SLC35D2: variants seen among roughly 807,000 people sequenced by gnomAD.
The protein encoded by SLC35D2 is nucleotide sugar transporter SLC35D2.
SLC35D2 carries 43 observed loss-of-function variants against 41.8 expected under a neutral mutation model. That is an observed-to-expected ratio of 1.03 (90% confidence interval 0.81 to 1.33). SLC35D2 has a LOEUF of 1.33. Ranked by LOEUF, SLC35D2 falls within the 40% of genes most tolerant of loss-of-function variation. The pLI is 0.00. For missense variants in SLC35D2, 380 were observed against 408.4 expected, an observed-to-expected ratio of 0.93 and a Z score of 0.60; for synonymous variants, 150 against 163.9, an observed-to-expected ratio of 0.92 and a Z score of 0.65.
chr9:96,353,344 ATTAT>A lies in SLC35D2; in HGVS notation c.348-1239_348-1236del, dbSNP rs71308273. Reference sequence around the variant, plus strand: ...TGTATACAGAAAAGGGCTGCAAAGGATTATTTATTTATTTATTTATTTATTTAGA... The same window carrying A: ...TGTATACAGAAAAGGGCTGCAAAGGATTATTTATTTATTTATTTATTTAGA... On this transcript the variant is annotated intron_variant, in intron 4 of 11. Transcript: ENST00000253270. Among the ~76,000 whole-genome samples the A allele has an allele frequency of 1.0e-3, 149 of 149,652 alleles. 1 individual carries two copies. Among genetic ancestry groups the A allele is most frequent in the South Asian group, 3.0e-3 (14 of 4,698 alleles).
Position 96,360,229 on chromosome 9 carries a change from T to TAAA in SLC35D2, c.280-11_280-9dup. On this transcript the variant is annotated splice_polypyrimidine_tract_variant and intron_variant, in intron 3 of 11. Transcript: ENST00000253270. ...GAGAGGCAGAGGAAACAGCTTCCAT[T>TAAA]AAAAAAAAAAGAAGAAATATTTGGT... 3.0e-6 allele frequency: 4 copies of TAAA among 1,318,174 alleles called. No homozygotes were observed. The highest frequency in any genetic ancestry group is 4.1e-6 in the Non-Finnish European group (4 of 966,186). 81.7% of individuals were successfully genotyped at this position (1,318,174 alleles called of 1,614,324 possible). A position where few individuals can be genotyped will look rare whatever the true frequency, so the allele number is the denominator to read the frequency against.
At chr9:96,364,364 A>G in intron 3 of SLC35D2, 100 bp downstream of exon 3, 1 of 753,594 alleles carries the variant, frequency 1.3e-6, no homozygotes, top group Non-Finnish European at 2.3e-6. Context: ...TATCCAGTGC[A>G]GGCAGGAAGT....
In SLC35D2 at chr9:96,321,316, A is replaced by G. The variant is rs1454481583; in HGVS notation, c.940T>C (p.Phe314Leu). Residue 314 changes from phenylalanine (F) to leucine (L), a missense_variant, in exon 12 of 12, where the codon TTT (phenylalanine) becomes CTT (leucine). By Grantham distance (22) the Phe-to-Leu change is conservative. Coordinates refer to ENST00000253270, the MANE Select transcript of SLC35D2 (RefSeq NM_007001.3). ...TTTAACTGGCTGCTCAGTGTTAAAA[A>G]GGAATATCTCAAGCCCCCTGCCATG... ...ICMAGGLRYS[F>L]LTLSSQLKPK... 2 of 1,613,974 alleles carry G rather than the reference A, an allele frequency of 1.2e-6. No individual in the cohort carries two copies. Among genetic ancestry groups the G allele is most frequent in the East Asian group, 2.2e-5 (1 of 44,878 alleles).
chr9:96,337,981 CAAAAAA>C (rs67714645), intron 8 of SLC35D2, among the ~76,000 whole-genome samples: 2 of 33,906 alleles, frequency 5.9e-5, no homozygotes, highest in Non-Finnish European at 1.0e-4. Flanking sequence ...AACTCCACCT[CAAAAAA>C]AAAAAAAAAA....
At chr9:96,359,282 T>C (rs1344334304) in intron 4 of SLC35D2, among the ~76,000 whole-genome samples, 1 of 145,944 alleles carries the variant, frequency 6.9e-6, no homozygotes, top group Non-Finnish European at 1.5e-5. Context: ...CACTCTAGCC[T>C]GGGCGACAGA....
intron 1 of SLC35D2, among the ~76,000 whole-genome samples, chr9:96,381,741 TCTC>T (rs766943104): frequency 6.6e-6 from 1 of 152,118 alleles, no homozygotes; most frequent in South Asian, 2.1e-4. Context: ...AAAACACTGT[TCTC>T]CTCGAACAGT....
At chr9:96,373,385 T>A (rs895499103) in intron 1 of SLC35D2, among the ~76,000 whole-genome samples, 1 of 152,132 alleles carries the variant, frequency 6.6e-6, no homozygotes, top group Non-Finnish European at 1.5e-5. Flanking sequence ...GTCCTTTTTT[T>A]CTTTAAAAAC....
intron 1 of SLC35D2, among the ~76,000 whole-genome samples, chr9:96,369,045 G>A (rs1356158831): frequency 3.3e-5 from 5 of 152,126 alleles, no homozygotes; most frequent in East Asian, 1.9e-4. Context: ...GATTATAGGC[G>A]GGAGCCACTG....
chr9:96,367,340 G>T (rs2131000028), intron 2 of SLC35D2, among the ~76,000 whole-genome samples: 1 of 151,284 alleles, frequency 6.6e-6, no homozygotes, highest in Non-Finnish European at 1.5e-5. Flanking sequence ...TTCCCTCTAT[G>T]AATTAAATCA....
intron 1 of SLC35D2, among the ~76,000 whole-genome samples, chr9:96,370,870 T>C (rs1232951860): frequency 6.6e-6 from 1 of 151,876 alleles, no homozygotes; most frequent in Non-Finnish European, 1.5e-5. Flanking sequence ...CAAAGGAGAT[T>C]AAAAGAAAGC....
Position 96,358,080 on chromosome 9 carries a change from T to TATATATATATATATATATATATA in SLC35D2, c.347+2073_347+2074insTATATATATATATATATATATAT, listed in dbSNP as rs1554715405. ...ATGGATAAACAAAATATTATATATT[T>TATATATATATATATATATATATA]TATATATATATATATATATATATAT... On this transcript the variant is annotated intron_variant, in intron 4 of 11. Coordinates refer to ENST00000253270, the MANE Select transcript of SLC35D2 (RefSeq NM_007001.3). Among the ~76,000 whole-genome samples the TATATATATATATATATATATATA allele has an allele frequency of 2.5e-3, 303 of 122,602 alleles. 19 individuals are homozygous for TATATATATATATATATATATATA. The highest frequency in any genetic ancestry group is 2.8e-3 in the Non-Finnish European group (178 of 62,868). 80.4% of individuals were successfully genotyped at this position (122,602 alleles called of 152,430 possible). A position where few individuals can be genotyped will look rare whatever the true frequency, so the allele number is the denominator to read the frequency against.
In SLC35D2 at chr9:96,321,234, C is replaced by T; in HGVS notation, c.*8G>A. The T allele has an allele frequency of 6.3e-7, 1 of 1,597,782 alleles. No homozygotes were observed. The highest frequency in any genetic ancestry group is 8.6e-7 in the Non-Finnish European group (1 of 1,165,440). On this transcript the variant is annotated 3_prime_UTR_variant, in exon 12 of 12. Coordinates refer to ENST00000253270, the MANE Select transcript of SLC35D2 (RefSeq NM_007001.3). ...CACAAGTCAGTCTCCAATCCTGCTGCAGACTCTTTAGCTCTTCAAATCCAA... is the reference window on the plus strand; with the variant it reads ...CACAAGTCAGTCTCCAATCCTGCTGTAGACTCTTTAGCTCTTCAAATCCAA...
rs57775451 is a variant in SLC35D2 at position 96,324,549 on chromosome 9, C to CTTTTTTTTTTT, written c.753-391_753-381dup. ...CTGTGCCTCAGAATCGCCTGCTGCA[C>CTTTTTTTTTTT]TTTTTTTTTTTTTTTTTGGTGGGGA... On this transcript the variant is annotated intron_variant, in intron 9 of 11. Transcript: ENST00000253270. Among the ~76,000 whole-genome samples, 28 of 117,736 alleles carry CTTTTTTTTTTT rather than the reference C, an allele frequency of 2.4e-4. 1 individual carries two copies. Among genetic ancestry groups the CTTTTTTTTTTT allele is most frequent in the Middle Eastern group, 5.0e-3 (1 of 200 alleles). The allele number at this position is 117,736 out of a possible 152,430, so 77.2% of individuals were successfully genotyped here.
At chr9:96,329,203 TTTTA>T (rs1336249877) in intron 9 of SLC35D2, among the ~76,000 whole-genome samples, 1 of 152,012 alleles carries the variant, frequency 6.6e-6, no homozygotes, top group Admixed American at 6.6e-5. Flanking sequence ...ACATATATAC[TTTTA>T]TATATATAAA....
chr9:96,364,314 G>A (rs916041160), intron 3 of SLC35D2, 150 bp downstream of exon 3: 10 of 528,282 alleles, frequency 1.9e-5, no homozygotes, highest in East Asian at 7.1e-5. Flanking sequence ...CAGCCTGGGC[G>A]ACAGAGCGAC....
At chr9:96,363,338 G>T (rs1183239774) in intron 3 of SLC35D2, among the ~76,000 whole-genome samples, 1 of 152,064 alleles carries the variant, frequency 6.6e-6, no homozygotes, top group African/African-American at 2.4e-5. Context: ...GTGCTTCTTT[G>T]GTCTGTCTGA....
At chr9:96,368,140 G>GAGTA in intron 2 of SLC35D2, 132 bp downstream of exon 2, 1 of 574,302 alleles carries the variant, frequency 1.7e-6, no homozygotes, top group Non-Finnish European at 3.1e-6. Flanking sequence ...GTCTCACCAG[G>GAGTA]AGTACCATGA....
chr9:96,383,043 G>A (rs1164181222), intron 1 of SLC35D2, among the ~76,000 whole-genome samples: 2 of 152,182 alleles, frequency 1.3e-5, no homozygotes, highest in Non-Finnish European at 2.9e-5. Context: ...GTTTTCCCGA[G>A]TTTTCCATGA....
intron 3 of SLC35D2, among the ~76,000 whole-genome samples, chr9:96,362,677 C>T (rs1466767056): frequency 1.3e-5 from 2 of 152,122 alleles, no homozygotes; most frequent in African/African-American, 4.8e-5. Flanking sequence ...TTCAACTACA[C>T]ATTCAAATAG....
Sources: gnomAD v4.1 joint callset for allele counts (sites outside exome capture counted in the v4.1 genomes callset) on GRCh38, gnomAD v4.1.1 for gene constraint, MANE v1.5 for transcripts, NCBI Gene and HGNC (gene_info 2026-07-23, HGNC 2026-07-21) for gene names.